Variants in ZFAND3 observed in about 807,000 individuals in gnomAD.
ZFAND3 encodes zinc finger AN1-type containing 3, also known as AN1-type zinc finger protein 3.
Under a neutral mutation model 29.6 loss-of-function variants are expected in ZFAND3, and 10 were observed. The ratio of observed to expected loss-of-function variants is 0.34; its 90% CI spans 0.21 to 0.57. ZFAND3 has a LOEUF of 0.57. Ranked by LOEUF, ZFAND3 falls within the 20% of genes least tolerant of loss-of-function variation. The pLI is 0.86. For synonymous variants in ZFAND3, 128 were observed against 112.6 expected, an observed-to-expected ratio of 1.14 and a Z score of -0.87; for missense variants, 230 against 304.5, an observed-to-expected ratio of 0.76 and a Z score of 1.82.
intron 1 of ZFAND3, among the ~76,000 whole-genome samples, chr6:37,910,747 T>C (rs1319521184): frequency 6.6e-6 from 1 of 152,218 alleles, no homozygotes; most frequent in Admixed American, 6.5e-5. Flanking sequence ...ACTCTCTGCT[T>C]CTGTGAGTTG....
intron 2 of ZFAND3, among the ~76,000 whole-genome samples, chr6:37,965,567 A>G (rs1298702391): frequency 2.3e-5 from 1 of 44,216 alleles, no homozygotes; most frequent in Non-Finnish European, 6.0e-5. Flanking sequence ...GAGGGTTGTC[A>G]TTCTTTTTTT....
intron 1 of ZFAND3, among the ~76,000 whole-genome samples, chr6:37,868,484 G>A (rs1440652714): frequency 6.6e-6 from 1 of 152,172 alleles, no homozygotes; most frequent in Non-Finnish European, 1.5e-5. Flanking sequence ...GGTACATAGT[G>A]GAGGGTACTA....
At chr6:38,105,789 T>G (rs926719727) in intron 4 of ZFAND3, among the ~76,000 whole-genome samples, 2 of 152,148 alleles carry the variant, frequency 1.3e-5, no homozygotes, top group African/African-American at 4.8e-5. Flanking sequence ...ATAAAACATT[T>G]AATAATAAAA....
intron 3 of ZFAND3, among the ~76,000 whole-genome samples, chr6:38,068,572 G>C (rs187225157): frequency 6.2e-4 from 94 of 152,278 alleles, no homozygotes; most frequent in African/African-American, 2.1e-3. Context: ...AGATGAAAAA[G>C]GGAGGTTTAG....
chr6:38,111,882 T>C (rs1247825475), intron 4 of ZFAND3, among the ~76,000 whole-genome samples: 1 of 152,130 alleles, frequency 6.6e-6, no homozygotes, highest in Non-Finnish European at 1.5e-5. Flanking sequence ...AGGATGTATG[T>C]AGCTTATATG....
intron 1 of ZFAND3, among the ~76,000 whole-genome samples, chr6:37,911,410 G>C (rs975673079): frequency 6.6e-6 from 1 of 152,196 alleles, no homozygotes; most frequent in African/African-American, 2.4e-5. Flanking sequence ...TTGCTATTGA[G>C]TTGAGCTCCT....
chr6:37,856,724 A>G (rs1001016146), intron 1 of ZFAND3, among the ~76,000 whole-genome samples: 1 of 152,188 alleles, frequency 6.6e-6, no homozygotes, highest in Non-Finnish European at 1.5e-5. Flanking sequence ...TTTATATACA[A>G]TAATTTTGTG....
intron 4 of ZFAND3, 66 bp from the exon 5 acceptor site, chr6:38,116,506 C>T (rs1765420315): frequency 7.9e-6 from 12 of 1,527,424 alleles, no homozygotes; most frequent in African/African-American, 1.4e-5. Context: ...CCTGGAAATA[C>T]ATTAATCAAC....
rs1763756483 is a variant in ZFAND3 at position 38,041,397 on chromosome 6, A to C, written c.113-20196A>C. Reference sequence around the variant, plus strand: ...ATTGATGACTTTTGTTAACTGCATAATTTCTTCTGTGTTTATTAGTTTGCT... The same window carrying C: ...ATTGATGACTTTTGTTAACTGCATACTTTCTTCTGTGTTTATTAGTTTGCT... On this transcript the variant is annotated intron_variant, in intron 2 of 5. Transcript: ENST00000287218. 2.0e-5 allele frequency among the ~76,000 whole-genome samples: 3 copies of C among 151,670 alleles called. No homozygotes were observed. The South Asian group carries it at 6.2e-4, about 32-fold the overall frequency.
chr6:37,913,727 T>TTTTTTTTTTTTTTTTTTTTTTG (rs1761172944), intron 1 of ZFAND3, among the ~76,000 whole-genome samples: 1 of 148,876 alleles, frequency 6.7e-6, no homozygotes, highest in Non-Finnish European at 1.5e-5. Context: ...TTTTTTTTTT[T>TTTTTTTTTTTTTTTTTTTTTTG]GAGACAGAGT....
At chr6:37,865,249 T>C (rs989368221) in intron 1 of ZFAND3, among the ~76,000 whole-genome samples, 1 of 152,232 alleles carries the variant, frequency 6.6e-6, no homozygotes, top group African/African-American at 2.4e-5. Flanking sequence ...CTTTAAATCA[T>C]CTCTAGATTG....
chr6:38,059,967 C>T (rs149796829), intron 2 of ZFAND3, among the ~76,000 whole-genome samples: 4 of 152,274 alleles, frequency 2.6e-5, no homozygotes, highest in Non-Finnish European at 4.4e-5. Context: ...ACATTAAAAT[C>T]GTCCCCTGTA....
intron 2 of ZFAND3, among the ~76,000 whole-genome samples, chr6:37,939,726 C>T (rs1252014450): frequency 1.3e-5 from 2 of 152,038 alleles, no homozygotes; most frequent in African/African-American, 4.8e-5. Flanking sequence ...AATTAGACGA[C>T]CCTCTGTGAC....
intron 1 of ZFAND3, among the ~76,000 whole-genome samples, chr6:37,913,472 C>T (rs1490220813): frequency 6.6e-6 from 1 of 152,142 alleles, no homozygotes; most frequent in East Asian, 1.9e-4. Flanking sequence ...ACCTCTGATT[C>T]TAGTTCTCTT....
intron 2 of ZFAND3, among the ~76,000 whole-genome samples, chr6:38,061,383 A>G (rs1764235738): frequency 6.6e-6 from 1 of 152,226 alleles, no homozygotes; most frequent in Admixed American, 6.5e-5. Context: ...CTTCTGAATA[A>G]TAAGGGACCT....
In ZFAND3 at chr6:37,819,887, G is replaced by T. The variant is rs1432448438; in HGVS notation, c.-59G>T. On this transcript the variant is annotated 5_prime_UTR_variant, in exon 1 of 6. Coordinates refer to ENST00000287218, the MANE Select transcript of ZFAND3 (RefSeq NM_021943.3). The stretch of plus-strand genomic sequence containing the variant: ...CGCCGCCACCGCCTCCTCAGAGCGG[G>T]GCCCGGGCCCAGCCGCCGCCACCGC... 6.2e-6 allele frequency: 7 copies of T among 1,136,808 alleles called. No individual in the cohort carries two copies. The highest frequency in any genetic ancestry group is 5.4e-6 in the Non-Finnish European group (5 of 919,656). The allele number at this position is 1,136,808 out of a possible 1,614,324, so 70.4% of individuals were successfully genotyped here.
At chr6:37,899,462 A>G (rs1428615450) in intron 1 of ZFAND3, among the ~76,000 whole-genome samples, 1 of 152,126 alleles carries the variant, frequency 6.6e-6, no homozygotes, top group Non-Finnish European at 1.5e-5. Context: ...TATTGTTAAA[A>G]TGTGCCCAGC....
chr6:37,828,623 C>G (rs1763800854), intron 1 of ZFAND3, among the ~76,000 whole-genome samples: 1 of 151,328 alleles, frequency 6.6e-6, no homozygotes, highest in African/African-American at 2.4e-5. Flanking sequence ...GGTTTCTGTG[C>G]CTAAGGAGGC....
chr6:38,150,815 G>C (rs1419391537), intron 5 of ZFAND3, among the ~76,000 whole-genome samples: 1 of 152,220 alleles, frequency 6.6e-6, no homozygotes, highest in Admixed American at 6.5e-5. Context: ...AACAAGTAAG[G>C]AGAGTGTTTG....
Sources: allele counts gnomAD v4.1 joint callset (sites outside exome capture counted in the v4.1 genomes callset), GRCh38; gene constraint gnomAD v4.1.1; transcripts MANE v1.5; gene names NCBI Gene and HGNC (gene_info 2026-07-23, HGNC 2026-07-21).